The following MCUB variants were observed in gnomAD, a reference collection of about 807,000 sequenced individuals.
MCUB encodes mitochondrial calcium uniporter dominant negative subunit beta.
A neutral mutation model predicts 41.4 loss-of-function variants in MCUB; 46 were observed. The observed-to-expected ratio is 1.11, with a 90% CI of 0.88 to 1.42. The LOEUF (loss-of-function observed/expected upper bound fraction) is 1.42. Among genes scored for constraint, MCUB ranks in the 40% most tolerant of loss-of-function variants. The pLI, the probability that MCUB is intolerant of heterozygous loss-of-function variation, is 0.00. For missense variants in MCUB, 403 were observed against 404.9 expected, an observed-to-expected ratio of 1.00 and a Z score of 0.04; for synonymous variants, 148 against 148.2, an observed-to-expected ratio of 1.00 and a Z score of 0.01.
chr4:109,598,216 C>G (rs1345373110), intron 1 of MCUB, among the ~76,000 whole-genome samples: 1 of 150,644 alleles, frequency 6.6e-6, no homozygotes, highest in Non-Finnish European at 1.5e-5. Flanking sequence ...AGGATGCAAT[C>G]TCGGCACTTT....
At chr4:109,567,459 T>C (rs1579041372) in intron 1 of MCUB, among the ~76,000 whole-genome samples, 1 of 93,838 alleles carries the variant, frequency 1.1e-5, no homozygotes, top group Non-Finnish European at 2.1e-5. Flanking sequence ...TGTTTGTTTT[T>C]GGAGATCGAG....
intron 4 of MCUB, among the ~76,000 whole-genome samples, chr4:109,678,873 A>G (rs1477428413): frequency 2.0e-4 from 29 of 142,230 alleles, no homozygotes; most frequent in Non-Finnish European, 3.9e-4. Flanking sequence ...GCGGCCGGGC[A>G]GAGACACTCC....
chr4:109,646,997 G>A (rs564112494), intron 1 of MCUB, among the ~76,000 whole-genome samples: 67 of 152,224 alleles, frequency 4.4e-4, no homozygotes, highest in Non-Finnish European at 5.3e-4. Context: ...GGGGCGAAGC[G>A]AGTACCCCTC....
intron 1 of MCUB, among the ~76,000 whole-genome samples, chr4:109,636,351 T>C (rs2126139291): frequency 6.6e-6 from 1 of 152,244 alleles, no homozygotes; most frequent in Middle Eastern, 3.4e-3. Context: ...AGCAAAGTAA[T>C]GTAGTTGAAG....
At chr4:109,676,101 G>A (rs1729572452) in intron 4 of MCUB, among the ~76,000 whole-genome samples, 1 of 152,178 alleles carries the variant, frequency 6.6e-6, no homozygotes, top group Non-Finnish European at 1.5e-5. Flanking sequence ...GAAGAGTTTG[G>A]AAGAGCAGAC....
In MCUB at chr4:109,666,032, G is replaced by A. The variant is rs1443208781; in HGVS notation, c.451+1638G>A. Among the ~76,000 whole-genome samples the A allele has an allele frequency of 3.3e-5, 5 of 152,122 alleles. No homozygotes were observed. In the South Asian group the frequency reaches 6.2e-4, roughly 19 times the overall value. Reference sequence around the variant, plus strand: ...AAGAGAAGAAAAGGGAGTGATAAGGGAGGAGACGAGGCAGTAAAGAAGAAA... The same window carrying A: ...AAGAGAAGAAAAGGGAGTGATAAGGAAGGAGACGAGGCAGTAAAGAAGAAA... On this transcript the variant is annotated intron_variant, in intron 4 of 7. Coordinates refer to ENST00000394650, the MANE Select transcript of MCUB (RefSeq NM_017918.5).
intron 1 of MCUB, among the ~76,000 whole-genome samples, chr4:109,564,069 G>C (rs540903649): frequency 3.3e-5 from 5 of 152,172 alleles, no homozygotes; most frequent in African/African-American, 1.2e-4. Context: ...TCAGTTTCTT[G>C]ATATGAGATT....
intron 1 of MCUB, among the ~76,000 whole-genome samples, chr4:109,619,942 G>C (rs1303043504): frequency 6.6e-6 from 1 of 152,130 alleles, no homozygotes; most frequent in Non-Finnish European, 1.5e-5. Flanking sequence ...GAGAAGTTAA[G>C]GTACCTACGT....
chr4:109,684,778 T>C (rs1248973622), intron 6 of MCUB, 132 bp downstream of exon 6: 1 of 585,784 alleles, frequency 1.7e-6, no homozygotes, highest in East Asian at 2.8e-5. Context: ...GTAAATTTTT[T>C]ATTGTTTTTC....
At chr4:109,580,747 C>T (rs1367986663) in intron 1 of MCUB, among the ~76,000 whole-genome samples, 1 of 152,042 alleles carries the variant, frequency 6.6e-6, no homozygotes, top group Non-Finnish European at 1.5e-5. Flanking sequence ...TGTGCATTTG[C>T]TTAAGTTCTT....
At chr4:109,589,442 T>C (rs1727381544) in intron 1 of MCUB, among the ~76,000 whole-genome samples, 1 of 152,210 alleles carries the variant, frequency 6.6e-6, no homozygotes, top group Non-Finnish European at 1.5e-5. Flanking sequence ...ATGAATCCTG[T>C]GCTGGATACT....
chr4:109,660,168 AT>A (rs34754720), intron 2 of MCUB, 26 bp from the exon 3 acceptor site: 75 of 1,126,040 alleles, frequency 6.7e-5, no homozygotes, highest in South Asian at 1.1e-4. Flanking sequence ...AAATTTACTC[AT>A]TTTTTTTTCT....
chr4:109,649,325 C>A (rs1728908885), intron 1 of MCUB, among the ~76,000 whole-genome samples: 1 of 151,926 alleles, frequency 6.6e-6, no homozygotes, highest in South Asian at 2.1e-4. Context: ...TTTTATACTC[C>A]TTTATCTCTA....
intron 1 of MCUB, among the ~76,000 whole-genome samples, chr4:109,625,510 GCTAGTGT>G (rs1244796957): frequency 6.6e-6 from 1 of 152,164 alleles, no homozygotes; most frequent in Admixed American, 6.5e-5. Context: ...ACCCCTGTAG[GCTAGTGT>G]AAGCATGCTG....
intron 1 of MCUB, among the ~76,000 whole-genome samples, chr4:109,625,064 G>A (rs972582230): frequency 3.9e-5 from 6 of 152,158 alleles, no homozygotes; most frequent in East Asian, 1.9e-4. Flanking sequence ...CATTTGAACC[G>A]GGGAGGTGGA....
intron 6 of MCUB, 83 bp from the exon 7 acceptor site, chr4:109,685,167 GT>G (rs1729809572): frequency 4.6e-6 from 3 of 658,562 alleles, no homozygotes; most frequent in Non-Finnish European, 8.1e-6. Flanking sequence ...TTGCTTTGGT[GT>G]TGCTGAGTCA....
At chr4:109,571,637 CTT>C (rs1726919499) in intron 1 of MCUB, among the ~76,000 whole-genome samples, 1 of 152,178 alleles carries the variant, frequency 6.6e-6, no homozygotes, top group South Asian at 2.1e-4. Context: ...TTTTTTCCCT[CTT>C]AGGAAATGGT....
chr4:109,565,415 G>A (rs543728156), intron 1 of MCUB, among the ~76,000 whole-genome samples: 1 of 152,236 alleles, frequency 6.6e-6, no homozygotes, highest in South Asian at 2.1e-4. Context: ...CTCTTAATGG[G>A]TACCTTTAAC....
At chr4:109,642,033 T>C (rs1465265829) in intron 1 of MCUB, among the ~76,000 whole-genome samples, 1 of 152,252 alleles carries the variant, frequency 6.6e-6, no homozygotes, top group Non-Finnish European at 1.5e-5. Context: ...AAAGAAATTA[T>C]CTTTGGCTCA....
Sources: allele counts gnomAD v4.1 joint callset (sites outside exome capture counted in the v4.1 genomes callset), GRCh38; gene constraint gnomAD v4.1.1; transcripts MANE v1.5; gene names NCBI Gene and HGNC (gene_info 2026-07-23, HGNC 2026-07-21).